The following ABCC9 variants were observed in gnomAD, a reference collection of about 807,000 sequenced individuals.
ABCC9 encodes the protein ATP binding cassette subfamily C member 9, also known as ATP-binding cassette sub-family C member 9.
In ABCC9, 95 loss-of-function variants were observed where a neutral mutation model predicts 188.3. The ratio of observed to expected loss-of-function variants is 0.50; its 90% CI spans 0.43 to 0.60. The LOEUF (loss-of-function observed/expected upper bound fraction) is 0.60, where lower values mean the gene tolerates loss of function less well. Ranked by LOEUF, ABCC9 falls within the 20% of genes least tolerant of loss-of-function variation. The pLI, the probability that ABCC9 is intolerant of heterozygous loss-of-function variation, is 0.00. For missense variants in ABCC9, 1,102 were observed against 1,876.3 expected (o/e 0.59, Z 7.62); for synonymous variants, 659 against 652.7 (o/e 1.01, Z -0.15).
At position 21,818,207 on chromosome 12, in the gene ABCC9, G is replaced by A; in HGVS notation, c.3714C>T (p.Ser1238=). 1 of 1,613,864 alleles carries A rather than the reference G, an allele frequency of 6.2e-7. No homozygotes were observed. ...ATCCAGAATTCGAAGACCCACTAAT[G>A]GATGCTATAGATGCAGTGAGGACAA... ...ACIVLTASIA[S]ISGSSNSGLV... is the part of the protein sequence containing the mutation. Residue 1238 remains serine, a synonymous_variant, in exon 32 of 40, where the codon TCC becomes TCT. Transcript: ENST00000261200.
At chr12:21,849,754 A>G (rs903003435) in intron 24 of ABCC9, among the ~76,000 whole-genome samples, 6 of 152,228 alleles carry the variant, frequency 3.9e-5, no homozygotes, top group East Asian at 1.9e-4. Context: ...TATCCAATAA[A>G]TATTCACTGG....
intron 37 of ABCC9, among the ~76,000 whole-genome samples, chr12:21,808,647 A>G (rs1269606165): frequency 6.6e-6 from 1 of 152,068 alleles, no homozygotes; most frequent in East Asian, 1.9e-4. Flanking sequence ...GGGCACCTAT[A>G]GTCCCAGCTA....
intron 8 of ABCC9, among the ~76,000 whole-genome samples, chr12:21,912,117 C>T (rs1366330899): frequency 6.6e-6 from 1 of 151,864 alleles, no homozygotes; most frequent in Non-Finnish European, 1.5e-5. Context: ...GAAGAGGCAA[C>T]ATTTAAGGTC....
intron 31 of ABCC9, among the ~76,000 whole-genome samples, chr12:21,819,409 A>G (rs1942890314): frequency 6.6e-6 from 1 of 152,200 alleles, no homozygotes. Flanking sequence ...ATGTTTCTCA[A>G]ATGACCTCAC....
At chr12:21,865,182 A>G (rs527495457) in intron 18 of ABCC9, among the ~76,000 whole-genome samples, 375 of 152,272 alleles carry the variant, frequency 2.5e-3, no homozygotes, top group Non-Finnish European at 3.9e-3. Flanking sequence ...CGTGAATTCA[A>G]TAACCATACA....
At position 21,848,089 on chromosome 12, in the gene ABCC9, A is replaced by C. The variant is rs1038747694; in HGVS notation, c.2866+61T>G. ...ATTCCTCATGGAGACACTCACACATAAAAAACCCTCGCATCCTGTTATCCC... is the reference window on the plus strand; with the variant it reads ...ATTCCTCATGGAGACACTCACACATCAAAAACCCTCGCATCCTGTTATCCC... On this transcript the variant is annotated intron_variant, in intron 25 of 39. Coordinates refer to ENST00000261200, the MANE Select transcript of ABCC9 (RefSeq NM_020297.4). 3 of 1,473,202 alleles carry C rather than the reference A, an allele frequency of 2.0e-6. No homozygotes were observed. The African/African-American group carries it at 4.6e-5, about 23-fold the overall frequency. The allele number at this position is 1,473,202 out of a possible 1,614,324, so 91.3% of individuals were successfully genotyped here. A position where few individuals can be genotyped will look rare whatever the true frequency, so the allele number is the denominator to read the frequency against.
At chr12:21,822,769 C>T (rs534152815) in intron 31 of ABCC9, among the ~76,000 whole-genome samples, 52 of 134,080 alleles carry the variant, frequency 3.9e-4, no homozygotes, top group Middle Eastern at 4.7e-3. Flanking sequence ...CTAGCCTGGG[C>T]GACAGAGTGA....
intron 14 of ABCC9, among the ~76,000 whole-genome samples, chr12:21,893,555 G>A (rs577475628): frequency 2.4e-4 from 37 of 152,246 alleles, no homozygotes; most frequent in Admixed American, 2.6e-4. Context: ...TCAAAGATGT[G>A]CATATTATTA....
At chr12:21,829,587 T>G (rs537593426) in intron 30 of ABCC9, among the ~76,000 whole-genome samples, 1 of 152,320 alleles carries the variant, frequency 6.6e-6, no homozygotes, top group East Asian at 1.9e-4. Flanking sequence ...AGGTGTTTAT[T>G]TCCTTTCTTA....
At chr12:21,805,871 A>C (rs1046428050) in intron 39 of ABCC9, 127 bp downstream of exon 39, 9 of 950,310 alleles carry the variant, frequency 9.5e-6, no homozygotes, top group Non-Finnish European at 1.3e-5. Flanking sequence ...TCTTTTTTGC[A>C]CAGATACAGA....
At chr12:21,860,382 T>G (rs964605193) in intron 21 of ABCC9, among the ~76,000 whole-genome samples, 1 of 152,198 alleles carries the variant, frequency 6.6e-6, no homozygotes, top group African/African-American at 2.4e-5. Context: ...TCAGCCTTGA[T>G]TTTTGCAGCT....
At chr12:21,871,721 TG>T (rs1165487934) in intron 18 of ABCC9, among the ~76,000 whole-genome samples, 1 of 152,136 alleles carries the variant, frequency 6.6e-6, no homozygotes, top group African/African-American at 2.4e-5. Flanking sequence ...TCCTGTGCAC[TG>T]TAGGATGTTA....
At chr12:21,880,844 C>T (rs1283803) in intron 16 of ABCC9, among the ~76,000 whole-genome samples, 151,881 of 152,236 alleles carry the variant, frequency 1, 75,764 homozygotes, top group Middle Eastern at 1. Flanking sequence ...ACATACCGTA[C>T]AACTCAGCAA....
chr12:21,867,481 A>G lies in ABCC9; in HGVS notation c.2199-3004T>C, dbSNP rs572094839. On this transcript the variant is annotated intron_variant, in intron 18 of 39. Coordinates refer to ENST00000261200, the MANE Select transcript of ABCC9 (RefSeq NM_020297.4). ...ATTTTCCTCCCAGAGTAAAAGTTAAAGTCGACACAGTGTATTAGCAACTTC... is the reference window on the plus strand; with the variant it reads ...ATTTTCCTCCCAGAGTAAAAGTTAAGGTCGACACAGTGTATTAGCAACTTC... 1.4e-4 allele frequency among the ~76,000 whole-genome samples: 21 copies of G among 152,318 alleles called. No individual in the cohort carries two copies. The South Asian group carries it at 3.1e-3, about 23-fold the overall frequency.
chr12:21,840,419 C>T (rs144478310), intron 29 of ABCC9, among the ~76,000 whole-genome samples: 11 of 152,326 alleles, frequency 7.2e-5, no homozygotes, highest in Admixed American at 2.6e-4. Flanking sequence ...TAACCATCCT[C>T]TCCATACTTT....
At chr12:21,886,999 C>T (rs1183085098) in intron 15 of ABCC9, among the ~76,000 whole-genome samples, 1 of 152,114 alleles carries the variant, frequency 6.6e-6, no homozygotes, top group African/African-American at 2.4e-5. Flanking sequence ...TTTCTTCACA[C>T]AGTGAAACTA....
chr12:21,825,879 C>T (rs972090126), intron 31 of ABCC9, among the ~76,000 whole-genome samples: 1 of 152,170 alleles, frequency 6.6e-6, no homozygotes, highest in East Asian at 1.9e-4. Flanking sequence ...GTTTCTCTCT[C>T]TTCTTTCTTG....
chr12:21,867,343 T>TTA (rs1455475918), intron 18 of ABCC9, among the ~76,000 whole-genome samples: 14 of 152,098 alleles, frequency 9.2e-5, no homozygotes. Context: ...AATGTGGTAC[T>TTA]CTACAGCACT....
chr12:21,930,553 T>A (rs140314397), intron 4 of ABCC9, among the ~76,000 whole-genome samples: 2 of 152,284 alleles, frequency 1.3e-5, no homozygotes, highest in African/African-American at 4.8e-5. Flanking sequence ...TCAGCGTAGA[T>A]AATGTCACAG....
Sources: gnomAD v4.1 joint callset for allele counts (sites outside exome capture counted in the v4.1 genomes callset) on GRCh38, gnomAD v4.1.1 for gene constraint, MANE v1.5 for transcripts, NCBI Gene and HGNC (gene_info 2026-07-23, HGNC 2026-07-21) for gene names.